CFAP299: variants seen among roughly 807,000 people sequenced by gnomAD.
CFAP299 encodes cilia- and flagella-associated protein 299.
Under a neutral mutation model 27.0 loss-of-function variants are expected in CFAP299, and 21 were observed. The observed-to-expected ratio is 0.78, with a 90% confidence interval of 0.55 to 1.12. The LOEUF (loss-of-function observed/expected upper bound fraction) is 1.12. Among genes scored for constraint, CFAP299 ranks in the 50% most tolerant of loss-of-function variants. The pLI, the probability that CFAP299 is intolerant of heterozygous loss-of-function variation, is 0.00. For synonymous variants in CFAP299, 104 were observed against 98.1 expected (o/e 1.06, Z -0.36); for missense variants, 310 against 276.6 (o/e 1.12, Z -0.86).
intron 3 of CFAP299, among the ~76,000 whole-genome samples, chr4:80,863,553 G>T (rs1005367502): frequency 2.0e-5 from 3 of 151,992 alleles, no homozygotes; most frequent in Non-Finnish European, 4.4e-5. Flanking sequence ...CATGCCCCTT[G>T]GTGTCTTATT....
intron 2 of CFAP299, among the ~76,000 whole-genome samples, chr4:80,518,590 G>A (rs1437436972): frequency 6.6e-6 from 1 of 151,956 alleles, no homozygotes; most frequent in African/African-American, 2.4e-5. Context: ...GTTTTAAGAG[G>A]GCAGAAAGCT....
chr4:80,824,269 A>G (rs932694696), intron 3 of CFAP299, among the ~76,000 whole-genome samples: 2 of 152,128 alleles, frequency 1.3e-5, no homozygotes, highest in African/African-American at 4.8e-5. Context: ...AGTAAATTTT[A>G]GTTTTTTGCT....
chr4:80,339,802 T>TTTAA (rs1722351704), intron 1 of CFAP299, among the ~76,000 whole-genome samples: 1 of 152,238 alleles, frequency 6.6e-6, no homozygotes, highest in African/African-American at 2.4e-5. Flanking sequence ...AATTCTTCTA[T>TTTAA]TTAAATAAAC....
intron 2 of CFAP299, among the ~76,000 whole-genome samples, chr4:80,554,664 T>C (rs1292420768): frequency 1.3e-5 from 2 of 152,156 alleles, no homozygotes; most frequent in Admixed American, 1.3e-4. Flanking sequence ...TTGTGTCTTC[T>C]CTGGTTTCTT....
intron 4 of CFAP299, among the ~76,000 whole-genome samples, chr4:80,883,312 G>A (rs923924915): frequency 6.6e-6 from 1 of 151,768 alleles, no homozygotes; most frequent in East Asian, 1.9e-4. Context: ...TAAAGAGAAG[G>A]AATCAAAGCA....
chr4:80,432,326 A>AT lies in CFAP299; in HGVS notation c.242+69448dup, dbSNP rs538634837. 2.7e-3 allele frequency among the ~76,000 whole-genome samples: 399 copies of AT among 150,314 alleles called. 3 individuals carry two copies. Among genetic ancestry groups the AT allele is most frequent in the African/African-American group, 9.4e-3 (385 of 40,894 alleles). On this transcript the variant is annotated intron_variant, in intron 2 of 5. Transcript: ENST00000358105. Reference sequence around the variant, plus strand: ...GCCACCATGGCTGGCTAATTTTTGTATTTTTTAGTAGAGACGGGGTTTCAC... The same window carrying AT: ...GCCACCATGGCTGGCTAATTTTTGTATTTTTTTAGTAGAGACGGGGTTTCAC...
At position 80,584,907 on chromosome 4, in the gene CFAP299, A is replaced by G. The variant is rs191711401; in HGVS notation, c.333+1724A>G. Among the ~76,000 whole-genome samples the G allele has an allele frequency of 5.1e-3, 770 of 152,198 alleles. 5 individuals carry two copies. Among genetic ancestry groups the G allele is most frequent in the Middle Eastern group, 0.02 (6 of 294 alleles). ...AGTTGTTTGGGGCAGAAAATGAATA[A>G]TCAAATAATCATTATTTGTATAGAA... On this transcript the variant is annotated intron_variant, in intron 3 of 5. Transcript: ENST00000358105.
chr4:80,526,015 T>C (rs1262478577), intron 2 of CFAP299, among the ~76,000 whole-genome samples: 6 of 152,160 alleles, frequency 3.9e-5, no homozygotes, highest in Admixed American at 3.9e-4. Flanking sequence ...ATTCACAAAA[T>C]TGTACTCATA....
intron 2 of CFAP299, among the ~76,000 whole-genome samples, chr4:80,378,378 T>G (rs1259124026): frequency 6.6e-6 from 1 of 152,162 alleles, no homozygotes; most frequent in African/African-American, 2.4e-5. Context: ...TTTCTCTATA[T>G]CTAATTTGTA....
At chr4:80,529,394 G>A (rs1247805777) in intron 2 of CFAP299, among the ~76,000 whole-genome samples, 1 of 152,192 alleles carries the variant, frequency 6.6e-6, no homozygotes, top group Non-Finnish European at 1.5e-5. Flanking sequence ...ATGTTCTTAT[G>A]TTTTAAACAT....
chr4:80,488,924 G>C (rs945815934), intron 2 of CFAP299, among the ~76,000 whole-genome samples: 1 of 152,198 alleles, frequency 6.6e-6, no homozygotes, highest in African/African-American at 2.4e-5. Context: ...TATAACACAT[G>C]CTCTTTCTGG....
intron 3 of CFAP299, among the ~76,000 whole-genome samples, chr4:80,744,449 ACACT>A (rs1724469286): frequency 6.6e-6 from 1 of 152,134 alleles, no homozygotes; most frequent in Non-Finnish European, 1.5e-5. Flanking sequence ...AAATGGATAG[ACACT>A]CATCTTCACT....
intron 3 of CFAP299, among the ~76,000 whole-genome samples, chr4:80,602,627 G>A (rs928197689): frequency 1.3e-5 from 2 of 152,026 alleles, no homozygotes; most frequent in African/African-American, 2.4e-5. Flanking sequence ...AACAAGTCTG[G>A]TTGGTCCTGG....
At chr4:80,494,322 A>C (rs1042807389) in intron 2 of CFAP299, among the ~76,000 whole-genome samples, 2 of 152,084 alleles carry the variant, frequency 1.3e-5, no homozygotes, top group African/African-American at 4.8e-5. Flanking sequence ...TCCTAGACCA[A>C]CTCACTGTCA....
chr4:80,485,555 C>T (rs1246399486), intron 2 of CFAP299, among the ~76,000 whole-genome samples: 1 of 151,920 alleles, frequency 6.6e-6, no homozygotes, highest in African/African-American at 2.4e-5. Context: ...TTAAATAATA[C>T]TAATGGGATC....
chr4:80,597,879 G>T (rs897783586), intron 3 of CFAP299, among the ~76,000 whole-genome samples: 30 of 152,088 alleles, frequency 2.0e-4, no homozygotes, highest in Non-Finnish European at 3.7e-4. Flanking sequence ...TGGATACTGG[G>T]TTTTGCCATG....
At chr4:80,610,740 G>A (rs749010293) in intron 3 of CFAP299, among the ~76,000 whole-genome samples, 6 of 151,958 alleles carry the variant, frequency 3.9e-5, no homozygotes, top group East Asian at 3.9e-4. Flanking sequence ...CAAACCCATC[G>A]ATTCTATTCA....
intron 3 of CFAP299, among the ~76,000 whole-genome samples, chr4:80,652,717 C>T (rs912211282): frequency 3.3e-5 from 5 of 151,974 alleles, no homozygotes; most frequent in Admixed American, 2.0e-4. Context: ...AACTACACTT[C>T]TCATGTCTCT....
At chr4:80,602,455 AT>A (rs575501446) in intron 3 of CFAP299, among the ~76,000 whole-genome samples, 1 of 152,282 alleles carries the variant, frequency 6.6e-6, no homozygotes, top group Admixed American at 6.5e-5. Flanking sequence ...AAACGATGTA[AT>A]TTTTTCCAAA....
Sources: gnomAD v4.1 joint callset for allele counts (sites outside exome capture counted in the v4.1 genomes callset) on GRCh38, gnomAD v4.1.1 for gene constraint, MANE v1.5 for transcripts, NCBI Gene and HGNC (gene_info 2026-07-23, HGNC 2026-07-21) for gene names.